The following NRIP2 variants were observed in gnomAD, a reference collection of about 807,000 sequenced individuals.
The protein encoded by NRIP2 is nuclear receptor interacting protein 2.
Under a neutral mutation model 34.1 loss-of-function variants are expected in NRIP2, and 27 were observed. That is an observed-to-expected ratio of 0.79 (90% CI 0.58 to 1.09). The LOEUF is 1.09. Among genes scored for constraint, NRIP2 ranks in the 50% least tolerant of loss-of-function variants. The pLI is 0.00. For synonymous variants in NRIP2, 145 were observed against 146.9 expected (o/e 0.99, Z 0.09); for missense variants, 385 against 352.6 (o/e 1.09, Z -0.74).
At position 2,827,692 on chromosome 12, in the gene NRIP2, T is replaced by A. The variant is rs1603483776; in HGVS notation, c.701-15A>T. ...ACTCTCAGCATCTATAGGAACAATTTGAAAACAGAAGAGGCTGAGGGTTCC... is the reference window on the plus strand; with the variant it reads ...ACTCTCAGCATCTATAGGAACAATTAGAAAACAGAAGAGGCTGAGGGTTCC... On this transcript the variant is annotated splice_polypyrimidine_tract_variant and intron_variant, in intron 4 of 5. Transcript: ENST00000337508. The surrounding 1 kb of genome is among the most constrained non-coding windows in gnomAD (Gnocchi z 4.0). 6.2e-7 allele frequency: 1 copy of A among 1,613,984 alleles called. No individual in the cohort carries two copies. The highest frequency in any genetic ancestry group is 2.2e-5 in the East Asian group (1 of 44,884).
At chr12:2,829,595 A>G (rs1304514187) in intron 2 of NRIP2, among the ~76,000 whole-genome samples, 1 of 150,846 alleles carries the variant, frequency 6.6e-6, no homozygotes, top group South Asian at 2.1e-4. Context: ...CCAACGTGGT[A>G]GTCTAAAAAT....
At chr12:2,832,705 T>C (rs767294724) in intron 1 of NRIP2, among the ~76,000 whole-genome samples, 2 of 149,850 alleles carry the variant, frequency 1.3e-5, no homozygotes, top group African/African-American at 2.5e-5. Context: ...AGCGCTTGAG[T>C]CTACCTCACT....
In NRIP2 at chr12:2,827,910, A is replaced by G. The variant is rs1408452147; in HGVS notation, c.700+16T>C. 6.2e-7 allele frequency: 1 copy of G among 1,613,720 alleles called. No homozygotes were observed. Among genetic ancestry groups the G allele is most frequent in the Non-Finnish European group, 8.5e-7 (1 of 1,180,012 alleles). ...GTGAGGTGAGCACCAGGGCTGTTGC[A>G]GAAGGGGGGACTTACCCACCACCTG... On this transcript the variant is annotated intron_variant, in intron 4 of 5. Transcript: ENST00000337508. The surrounding 1 kb of genome is among the most constrained non-coding windows in gnomAD (Gnocchi z 4.0).
In NRIP2 at chr12:2,828,285, A is replaced by G. The variant is rs115477015; in HGVS notation, c.578+47T>C. On this transcript the variant is annotated intron_variant, in intron 3 of 5. Transcript: ENST00000337508. ...AATTTGAGAATATTTTCATCACCCC[A>G]AAAAGAAACCCTGTCCCCCACTTGC... 3.0e-3 allele frequency: 4,563 copies of G among 1,538,318 alleles called. 117 individuals carry two copies. In the African/African-American group the frequency reaches 0.055, roughly 18 times the overall value.
chr12:2,829,064 G>A (rs1316223207), intron 2 of NRIP2, among the ~76,000 whole-genome samples: 1 of 152,038 alleles, frequency 6.6e-6, no homozygotes, highest in Non-Finnish European at 1.5e-5. Context: ...AAAAAAAAGT[G>A]GTTATATGTG....
At position 2,826,737 on chromosome 12, in the gene NRIP2, G is replaced by T. The variant is rs2097969107; in HGVS notation, c.*470C>A. On this transcript the variant is annotated 3_prime_UTR_variant, in exon 6 of 6. Coordinates refer to ENST00000337508, the MANE Select transcript of NRIP2 (RefSeq NM_031474.3). ...GAGAGGCAGACACCAGGAGGTCCAG[G>T]GACATAGGTTGGTGAGGCATGGCGG... 5.3e-6 allele frequency: 1 copy of T among 189,872 alleles called. No homozygotes were observed. Among genetic ancestry groups the T allele is most frequent in the African/African-American group, 2.4e-5 (1 of 41,600 alleles). 11.8% of individuals were successfully genotyped at this position (189,872 alleles called of 1,614,324 possible). A position where few individuals can be genotyped will look rare whatever the true frequency, so the allele number is the denominator to read the frequency against.
chr12:2,830,288 G>A (rs1326843894), intron 2 of NRIP2: 1 of 154,720 alleles, frequency 6.5e-6, no homozygotes, highest in Non-Finnish European at 1.4e-5. Context: ...AAAGACGGTG[G>A]CCGAGGACCA....
Position 2,828,066 on chromosome 12 carries a change from G to T in NRIP2, c.579-19C>A, listed in dbSNP as rs776952809. 1 of 1,602,242 alleles carries T rather than the reference G, an allele frequency of 6.2e-7. No homozygotes were observed. The highest frequency in any genetic ancestry group is 1.7e-5 in the Admixed American group (1 of 59,462). On this transcript the variant is annotated intron_variant, in intron 3 of 5. Transcript: ENST00000337508. ...CTCTAACCTGTGGTTGGGAAGCAAG[G>T]GTTATGGCTACCACAGCCCCTAGAG...
Position 2,827,328 on chromosome 12 carries a change from T to C in NRIP2, c.754-29A>G, listed in dbSNP as rs764448865. 16 of 1,599,958 alleles carry C rather than the reference T, an allele frequency of 1.0e-5. No individual in the cohort carries two copies. In the Admixed American group the frequency reaches 1.4e-4, roughly 14 times the overall value. ...CGGGGTGTAGAGCAGTCATGCCAGG[T>C]CACCTCAGCCCGCCACCTGCCTCCC... On this transcript the variant is annotated intron_variant, in intron 5 of 5. Transcript: ENST00000337508. The surrounding 1 kb of genome is among the most constrained non-coding windows in gnomAD (Gnocchi z 4.0).
At position 2,827,482 on chromosome 12, in the gene NRIP2, G is replaced by A; in HGVS notation, c.753+143C>T. The A allele has an allele frequency of 1.3e-6, 2 of 1,536,866 alleles. No individual in the cohort carries two copies. The highest frequency in any genetic ancestry group is 1.7e-6 in the Non-Finnish European group (2 of 1,148,672). On this transcript the variant is annotated intron_variant, in intron 5 of 5. Coordinates refer to ENST00000337508, the MANE Select transcript of NRIP2 (RefSeq NM_031474.3). This position sits in a 1 kb window ranked among gnomAD's most constrained non-coding sequence, Gnocchi z 4.0. ...AGTTCTCTTGATTTTTCACTTGGTG[G>A]TAAGTAAGGAACCTCTAAGGAAGCA...
chr12:2,828,573 C>G (rs1315043698), intron 2 of NRIP2, among the ~76,000 whole-genome samples, 159 bp from the exon 3 acceptor site: 2 of 152,204 alleles, frequency 1.3e-5, no homozygotes, highest in Non-Finnish European at 2.9e-5. Flanking sequence ...GGCGCGGTAG[C>G]TCACGCCTGT....
At position 2,826,068 on chromosome 12, in the gene NRIP2, T is replaced by G. The variant is rs1376297052; in HGVS notation, c.*1139A>C. ...CATGAGCCATTGCGCCTGGCCTCTT[T>G]CTTTACTCCTAATCCATGATTTGAG... is the stretch of plus-strand genomic sequence containing the variant. On this transcript the variant is annotated 3_prime_UTR_variant, in exon 6 of 6. Coordinates refer to ENST00000337508, the MANE Select transcript of NRIP2 (RefSeq NM_031474.3). 6.6e-6 allele frequency: 1 copy of G among 152,280 alleles called. No individual in the cohort carries two copies. Among genetic ancestry groups the G allele is most frequent in the Non-Finnish European group, 1.5e-5 (1 of 68,154 alleles). The allele number at this position is 152,280 out of a possible 1,614,324, so 9.4% of individuals were successfully genotyped here.
At position 2,825,495 on chromosome 12, in the gene NRIP2, C is replaced by T. The variant is rs932236778; in HGVS notation, c.*1712G>A. The stretch of plus-strand genomic sequence containing the variant: ...GGAAAGTGGACCTTGTGGAGCAAGG[C>T]AGTGAGGGCGAGGAAAGCTTTTAGG... On this transcript the variant is annotated 3_prime_UTR_variant, in exon 6 of 6. Transcript: ENST00000337508. 8.5e-5 allele frequency: 13 copies of T among 152,548 alleles called. No individual in the cohort carries two copies. The highest frequency in any genetic ancestry group is 3.1e-4 in the African/African-American group (13 of 41,466). 9.4% of individuals were successfully genotyped at this position (152,548 alleles called of 1,614,324 possible).
Position 2,827,017 on chromosome 12 carries a change from A to G in NRIP2, c.*190T>C. The G allele has an allele frequency of 7.0e-7, 1 of 1,424,628 alleles. No homozygotes were observed. Among genetic ancestry groups the G allele is most frequent in the Non-Finnish European group, 9.1e-7 (1 of 1,096,722 alleles). The allele number at this position is 1,424,628 out of a possible 1,614,324, so 88.2% of individuals were successfully genotyped here. ...CCTCTAGTGAAAACTCGTCCTGGGG[A>G]GTAGGACAGCTGCTGAGAAGCAGAG... On this transcript the variant is annotated 3_prime_UTR_variant, in exon 6 of 6. Coordinates refer to ENST00000337508, the MANE Select transcript of NRIP2 (RefSeq NM_031474.3). The surrounding 1 kb of genome is among the most constrained non-coding windows in gnomAD (Gnocchi z 4.0).
At position 2,827,553 on chromosome 12, in the gene NRIP2, C is replaced by T; in HGVS notation, c.753+72G>A. 1 of 1,609,568 alleles carries T rather than the reference C, an allele frequency of 6.2e-7. No homozygotes were observed. Among genetic ancestry groups the T allele is most frequent in the Non-Finnish European group, 8.5e-7 (1 of 1,178,344 alleles). On this transcript the variant is annotated intron_variant, in intron 5 of 5. Coordinates refer to ENST00000337508, the MANE Select transcript of NRIP2 (RefSeq NM_031474.3). The surrounding 1 kb of genome is among the most constrained non-coding windows in gnomAD (Gnocchi z 4.0). Reference sequence around the variant, plus strand: ...TAAGTCACTCTCATCAGAACCTGGTCCAGGTTCCACACCTGTGCCTTCTAC... The same window carrying T: ...TAAGTCACTCTCATCAGAACCTGGTTCAGGTTCCACACCTGTGCCTTCTAC...
In NRIP2 at chr12:2,826,204, TA is replaced by T. The variant is rs5796030; in HGVS notation, c.*1002del. 23,899 of 135,050 alleles carry T rather than the reference TA, an allele frequency of 0.18. 1,947 individuals are homozygous for T. Among genetic ancestry groups the T allele is most frequent in the South Asian group, 0.37 (1,577 of 4,308 alleles). 8.4% of individuals were successfully genotyped at this position (135,050 alleles called of 1,614,324 possible). A position where few individuals can be genotyped will look rare whatever the true frequency, so the allele number is the denominator to read the frequency against. ...CTGTCTCCTGACAGACCCCAAACTT[TA>T]AAAAAAAAAAAAAAGCCTCTGTCTT... On this transcript the variant is annotated 3_prime_UTR_variant, in exon 6 of 6. Coordinates refer to ENST00000337508, the MANE Select transcript of NRIP2 (RefSeq NM_031474.3).
At chr12:2,833,270 T>C (rs2098012435) in intron 1 of NRIP2, among the ~76,000 whole-genome samples, 2 of 152,088 alleles carry the variant, frequency 1.3e-5, no homozygotes, top group African/African-American at 4.8e-5. Context: ...CCCAGTAGGT[T>C]CCAGCCATTG....
rs2153925628 is a variant in NRIP2, at chr12:2,827,420, C to T, written c.754-121G>A. The T allele has an allele frequency of 1.3e-6, 2 of 1,521,650 alleles. No individual in the cohort carries two copies. The highest frequency in any genetic ancestry group is 8.8e-7 in the Non-Finnish European group (1 of 1,142,338). 94.3% of individuals were successfully genotyped at this position (1,521,650 alleles called of 1,614,324 possible). On this transcript the variant is annotated intron_variant, in intron 5 of 5. Coordinates refer to ENST00000337508, the MANE Select transcript of NRIP2 (RefSeq NM_031474.3). This position sits in a 1 kb window ranked among gnomAD's most constrained non-coding sequence, Gnocchi z 4.0. The stretch of plus-strand genomic sequence containing the variant: ...CACCTGCCTTTTGCTCTTCCCCCAT[C>T]CCCATTTCCCTAGACTCCTGTTGAA...
At position 2,827,347 on chromosome 12, in the gene NRIP2, G is replaced by A. The variant is rs929618172; in HGVS notation, c.754-48C>T. 1.1e-5 allele frequency: 17 copies of A among 1,576,348 alleles called. No individual in the cohort carries two copies. Among genetic ancestry groups the A allele is most frequent in the Admixed American group, 1.9e-5 (1 of 51,402 alleles). ...GCCAGGTCACCTCAGCCCGCCACCTGCCTCCCGGCCTGCTCCTTTTGTTCC... is the reference window on the plus strand; with the variant it reads ...GCCAGGTCACCTCAGCCCGCCACCTACCTCCCGGCCTGCTCCTTTTGTTCC... On this transcript the variant is annotated intron_variant, in intron 5 of 5. Coordinates refer to ENST00000337508, the MANE Select transcript of NRIP2 (RefSeq NM_031474.3). The surrounding 1 kb of genome is among the most constrained non-coding windows in gnomAD (Gnocchi z 4.0).
Sources: allele counts gnomAD v4.1 joint callset (sites outside exome capture counted in the v4.1 genomes callset), GRCh38; gene constraint gnomAD v4.1.1; non-coding constraint Gnocchi (gnomAD v3.1); transcripts MANE v1.5; gene names NCBI Gene and HGNC (gene_info 2026-07-23, HGNC 2026-07-21).